The following SYK variants were observed in gnomAD, a reference collection of about 807,000 sequenced individuals.
The protein encoded by SYK is tyrosine-protein kinase SYK.
Under a neutral mutation model 77.8 loss-of-function variants are expected in SYK, and 16 were observed. The observed-to-expected ratio is 0.21, with a 90% CI of 0.14 to 0.31. The LOEUF is 0.31. SYK is among the 10% of genes least tolerant of loss of function. SYK has a pLI of 1.00. For missense variants in SYK, 529 were observed against 814.4 expected (o/e 0.65, Z 4.26); for synonymous variants, 312 against 308.7 (o/e 1.01, Z -0.11).
Position 90,895,454 on chromosome 9 carries a change from G to T in SYK, c.1836-74G>T, listed in dbSNP as rs1198978724. On this transcript the variant is annotated intron_variant, in intron 13 of 13. Transcript: ENST00000375754. The surrounding 1 kb of genome is among the most constrained non-coding windows in gnomAD (Gnocchi z 4.4). ...GAGCAGCACCACTGGTACTCAGCCTGCAGAGGCCCTGCTTGTGATCAGCAA... is the reference window on the plus strand; with the variant it reads ...GAGCAGCACCACTGGTACTCAGCCTTCAGAGGCCCTGCTTGTGATCAGCAA... The T allele has an allele frequency of 4.0e-6, 6 of 1,515,674 alleles. No individual in the cohort carries two copies. The highest frequency in any genetic ancestry group is 3.4e-5 in the Admixed American group (2 of 59,598). The allele number at this position is 1,515,674 out of a possible 1,614,324, so 93.9% of individuals were successfully genotyped here.
intron 11 of SYK, among the ~76,000 whole-genome samples, chr9:90,884,168 T>TACGTGTATATATAC (rs1828281085): frequency 7.6e-6 from 1 of 131,440 alleles, no homozygotes; most frequent in Non-Finnish European, 1.6e-5. Context: ...TATACACACA[T>TACGTGTATATATAC]ACACATACGT....
intron 1 of SYK, among the ~76,000 whole-genome samples, chr9:90,809,313 G>A (rs540017473): frequency 3.9e-5 from 6 of 152,322 alleles, no homozygotes; most frequent in African/African-American, 1.2e-4. Flanking sequence ...GGCTCAGAAA[G>A]GTGAAGGGAT....
At chr9:90,881,552 C>A (rs1051289858) in intron 11 of SYK, among the ~76,000 whole-genome samples, 1 of 151,894 alleles carries the variant, frequency 6.6e-6, no homozygotes, top group Non-Finnish European at 1.5e-5. Flanking sequence ...TGGTGGCAGG[C>A]ACCTGTAATC....
chr9:90,850,343 C>G (rs1042688157), intron 3 of SYK, among the ~76,000 whole-genome samples: 1 of 152,126 alleles, frequency 6.6e-6, no homozygotes, highest in South Asian at 2.1e-4. Flanking sequence ...TGGTGAAACC[C>G]CATCTCTACT....
At position 90,841,745 on chromosome 9, in the gene SYK, TTG is replaced by T. The variant is rs539559859; in HGVS notation, c.-41-2104_-41-2103del. ...GTACTGTGTGTGGTGTGTATGTATT[TTG>T]TGTGTGTGGTGTATGTGATGTGTGT... On this transcript the variant is annotated intron_variant, in intron 1 of 13. Transcript: ENST00000375754. Among the ~76,000 whole-genome samples the T allele has an allele frequency of 4.0e-4, 60 of 149,774 alleles. No individual in the cohort carries two copies. In the East Asian group the frequency reaches 4.7e-3, roughly 12 times the overall value.
intron 1 of SYK, among the ~76,000 whole-genome samples, chr9:90,807,272 T>C (rs1824874986): frequency 6.6e-6 from 1 of 152,220 alleles, no homozygotes; most frequent in Admixed American, 6.5e-5. Context: ...CCAAGCTCCT[T>C]AGGCTTTGCT....
chr9:90,873,343 G>GA (rs765550198), intron 7 of SYK, among the ~76,000 whole-genome samples: 2,006 of 127,092 alleles, frequency 0.016, 42 homozygotes, highest in African/African-American at 0.05. Context: ...AACTCACGCT[G>GA]AAAAAAAAAA....
rs959422848 is a variant in SYK, at chr9:90,864,489, G to A, written c.718-100G>A. 4 of 1,017,898 alleles carry A rather than the reference G, an allele frequency of 3.9e-6. No individual in the cohort carries two copies. The African/African-American group carries it at 6.4e-5, about 16-fold the overall frequency. The allele number at this position is 1,017,898 out of a possible 1,614,324, so 63.1% of individuals were successfully genotyped here. A position where few individuals can be genotyped will look rare whatever the true frequency, so the allele number is the denominator to read the frequency against. The stretch of plus-strand genomic sequence containing the variant: ...CATAAAAGCATTTATGTGTCTTGGG[G>A]CCACTTCGAAAGCCCAACAGTCAGT... On this transcript the variant is annotated intron_variant, in intron 4 of 13. Coordinates refer to ENST00000375754, the MANE Select transcript of SYK (RefSeq NM_003177.7).
chr9:90,838,893 C>A (rs1209097946), intron 1 of SYK, among the ~76,000 whole-genome samples: 2 of 152,170 alleles, frequency 1.3e-5, no homozygotes, highest in African/African-American at 4.8e-5. Context: ...TCTGTGTGTG[C>A]AGGAGGAATG....
chr9:90,823,101 C>G (rs1424469251), intron 1 of SYK, among the ~76,000 whole-genome samples: 1 of 152,144 alleles, frequency 6.6e-6, no homozygotes, highest in African/African-American at 2.4e-5. Flanking sequence ...GTTCCAGCAC[C>G]CTCATCACTT....
intron 1 of SYK, among the ~76,000 whole-genome samples, chr9:90,832,788 C>G (rs138964642): frequency 6.6e-6 from 1 of 152,360 alleles, no homozygotes; most frequent in African/African-American, 2.4e-5. Flanking sequence ...ACAGATCACT[C>G]TAAACTTAGT....
chr9:90,825,697 T>G (rs1002594625), intron 1 of SYK, among the ~76,000 whole-genome samples: 1 of 152,014 alleles, frequency 6.6e-6, no homozygotes, highest in East Asian at 1.9e-4. Flanking sequence ...GCTTAGAACA[T>G]GTAGGAAGGG....
intron 13 of SYK, among the ~76,000 whole-genome samples, chr9:90,889,634 A>G (rs1236842570): frequency 2.6e-5 from 4 of 152,154 alleles, no homozygotes; most frequent in African/African-American, 9.6e-5. Flanking sequence ...GGCAGCCACA[A>G]AGGCAGCAGG....
intron 3 of SYK, among the ~76,000 whole-genome samples, chr9:90,846,120 C>T (rs1363196011): frequency 6.6e-6 from 1 of 152,218 alleles, no homozygotes; most frequent in African/African-American, 2.4e-5. Flanking sequence ...TGTCTGAATC[C>T]TGGGTTCTGT....
At chr9:90,828,229 A>ACCCCC (rs1392694626) in intron 1 of SYK, among the ~76,000 whole-genome samples, 3 of 25,556 alleles carry the variant, frequency 1.2e-4, no homozygotes, top group African/African-American at 1.6e-4. Flanking sequence ...CTGTGGCCTC[A>ACCCCC]CCCCCGCCCC....
intron 7 of SYK, among the ~76,000 whole-genome samples, chr9:90,867,937 C>T (rs905610017): frequency 2.6e-5 from 4 of 152,020 alleles, no homozygotes; most frequent in Non-Finnish European, 4.4e-5. Flanking sequence ...CTTTTATTAT[C>T]AGTGGGGTAA....
intron 3 of SYK, among the ~76,000 whole-genome samples, chr9:90,857,306 G>C (rs1487803432): frequency 6.6e-6 from 1 of 152,212 alleles, no homozygotes; most frequent in Non-Finnish European, 1.5e-5. Flanking sequence ...TCATCATAAA[G>C]AGTCATGACC....
intron 3 of SYK, among the ~76,000 whole-genome samples, chr9:90,853,202 C>T (rs146272722): frequency 1.5e-4 from 22 of 148,806 alleles, no homozygotes; most frequent in African/African-American, 5.5e-4. Context: ...CATGGTTCAT[C>T]GGGCCTGTCT....
intron 3 of SYK, among the ~76,000 whole-genome samples, chr9:90,849,552 C>T (rs1826737242): frequency 6.6e-6 from 1 of 152,204 alleles, no homozygotes; most frequent in Non-Finnish European, 1.5e-5. Flanking sequence ...AATGGGGATT[C>T]TTGCACCTCT....
Sources: allele counts gnomAD v4.1 joint callset (sites outside exome capture counted in the v4.1 genomes callset), GRCh38; gene constraint gnomAD v4.1.1; non-coding constraint Gnocchi (gnomAD v3.1); transcripts MANE v1.5; gene names NCBI Gene and HGNC (gene_info 2026-07-23, HGNC 2026-07-21).